Variants in TRABD2B observed in about 807,000 individuals in gnomAD.
The protein encoded by TRABD2B is metalloprotease TIKI2.
TRABD2B carries 14 observed loss-of-function variants against 40.1 expected under a neutral mutation model. That is an observed-to-expected ratio of 0.35 (90% CI 0.23 to 0.55). The LOEUF (loss-of-function observed/expected upper bound fraction) is 0.55, where lower values mean the gene tolerates loss of function less well. TRABD2B is among the 20% of genes least tolerant of loss of function. TRABD2B has a pLI of 0.90. For missense variants in TRABD2B, 541 were observed against 648.6 expected (o/e 0.83, Z 1.80); for synonymous variants, 263 against 277.0 (o/e 0.95, Z 0.50).
Position 47,877,305 on chromosome 1 carries a change from C to T in TRABD2B, c.667-75686G>A, listed in dbSNP as rs567113165. 9.2e-5 allele frequency among the ~76,000 whole-genome samples: 14 copies of T among 152,144 alleles called. 1 individual carries two copies. The South Asian group carries it at 2.9e-3, about 32-fold the overall frequency. ...GTTAAAGGAGCTCACAGGAGGCCAGCTCCAGGGCAGCTGGAACAGAGGGAA... is the reference window on the plus strand; with the variant it reads ...GTTAAAGGAGCTCACAGGAGGCCAGTTCCAGGGCAGCTGGAACAGAGGGAA... On this transcript the variant is annotated intron_variant, in intron 2 of 6. Coordinates refer to ENST00000606738, the MANE Select transcript of TRABD2B (RefSeq NM_001194986.2).
In TRABD2B at chr1:47,815,856, TAG is replaced by T. The variant is rs113867808; in HGVS notation, c.667-14239_667-14238del. On this transcript the variant is annotated intron_variant, in intron 2 of 6. Coordinates refer to ENST00000606738, the MANE Select transcript of TRABD2B (RefSeq NM_001194986.2). ...AGATAGATAGATAGATAGATAGAAATAGAGTCAGGAGTGTGGACTGTGCTTTG... is the reference window on the plus strand; with the variant it reads ...AGATAGATAGATAGATAGATAGAAATAGTCAGGAGTGTGGACTGTGCTTTG... 4.8e-4 allele frequency among the ~76,000 whole-genome samples: 71 copies of T among 149,452 alleles called. 4 individuals carry two copies. The highest frequency in any genetic ancestry group is 1.7e-3 in the African/African-American group (71 of 40,778).
intron 2 of TRABD2B, among the ~76,000 whole-genome samples, chr1:47,802,126 A>C (rs866561165): frequency 6.6e-6 from 1 of 152,122 alleles, no homozygotes; most frequent in South Asian, 2.1e-4. Context: ...CTCGGTCCTG[A>C]ACATCTGCTC....
At position 47,864,960 on chromosome 1, in the gene TRABD2B, G is replaced by A. The variant is rs532224716; in HGVS notation, c.667-63341C>T. Among the ~76,000 whole-genome samples the A allele has an allele frequency of 1.8e-4, 27 of 146,164 alleles. No homozygotes were observed. The East Asian group carries it at 3.8e-3, about 21-fold the overall frequency. On this transcript the variant is annotated intron_variant, in intron 2 of 6. Coordinates refer to ENST00000606738, the MANE Select transcript of TRABD2B (RefSeq NM_001194986.2). ...GAGCCCCTGACTGCCCTCTGCCCTA[G>A]GCACACCACCACTGGCTGGACACCT...
chr1:47,802,091 C>T (rs1408939597), intron 2 of TRABD2B, among the ~76,000 whole-genome samples: 1 of 152,228 alleles, frequency 6.6e-6, no homozygotes, highest in African/African-American at 2.4e-5. Context: ...GGAAGCCTTC[C>T]TCACCCAGGG....
intron 2 of TRABD2B, among the ~76,000 whole-genome samples, chr1:47,854,934 G>A (rs754751019): frequency 3.3e-5 from 5 of 152,188 alleles, no homozygotes; most frequent in Non-Finnish European, 7.3e-5. Flanking sequence ...GCTGTGTGAT[G>A]TAGGGCAAGC....
At chr1:47,883,460 G>A (rs1470179245) in intron 2 of TRABD2B, among the ~76,000 whole-genome samples, 1 of 152,184 alleles carries the variant, frequency 6.6e-6, no homozygotes, top group African/African-American at 2.4e-5. Context: ...CTAGGGGGTA[G>A]GGAGTAGAAA....
chr1:47,904,201 C>A (rs897713321), intron 2 of TRABD2B, among the ~76,000 whole-genome samples: 1 of 152,112 alleles, frequency 6.6e-6, no homozygotes. Context: ...GTGATCTGAA[C>A]CTAACCTTGA....
chr1:47,859,226 T>C (rs2124548894), intron 2 of TRABD2B, among the ~76,000 whole-genome samples: 1 of 152,298 alleles, frequency 6.6e-6, no homozygotes, highest in South Asian at 2.1e-4. Flanking sequence ...TCCTTTCTTT[T>C]TCCTGCCCTC....
At position 47,764,897 on chromosome 1, in the gene TRABD2B, C is replaced by G. The variant is rs983300821; in HGVS notation, c.*1005G>C. The G allele has an allele frequency of 6.6e-6, 1 of 152,194 alleles. No homozygotes were observed. Among genetic ancestry groups the G allele is most frequent in the African/African-American group, 2.4e-5 (1 of 41,440 alleles). 9.4% of individuals were successfully genotyped at this position (152,194 alleles called of 1,614,324 possible). A position where few individuals can be genotyped will look rare whatever the true frequency, so the allele number is the denominator to read the frequency against. ...GGATAGTCACATCTCACAGAACTAGCGCAAGAATCAGTGAAGCAAGTGTGC... is the reference window on the plus strand; with the variant it reads ...GGATAGTCACATCTCACAGAACTAGGGCAAGAATCAGTGAAGCAAGTGTGC... On this transcript the variant is annotated 3_prime_UTR_variant, in exon 7 of 7. Transcript: ENST00000606738.
At chr1:47,884,526 T>C (rs1470222738) in intron 2 of TRABD2B, among the ~76,000 whole-genome samples, 1 of 152,210 alleles carries the variant, frequency 6.6e-6, no homozygotes, top group African/African-American at 2.4e-5. Context: ...AGAGCATGTG[T>C]TTCATCCTAA....
intron 6 of TRABD2B, among the ~76,000 whole-genome samples, chr1:47,772,520 G>A (rs1352656257): frequency 6.6e-6 from 1 of 152,084 alleles, no homozygotes; most frequent in Non-Finnish European, 1.5e-5. Context: ...CGGCCATATG[G>A]GAGGGCACTC....
intron 2 of TRABD2B, among the ~76,000 whole-genome samples, chr1:47,993,184 G>C (rs1646037712): frequency 6.6e-6 from 1 of 152,150 alleles, no homozygotes; most frequent in African/African-American, 2.4e-5. Flanking sequence ...TCCCCATCCT[G>C]GGATTGACAG....
At chr1:47,978,038 A>G (rs865954293) in intron 2 of TRABD2B, among the ~76,000 whole-genome samples, 3 of 151,844 alleles carry the variant, frequency 2.0e-5, no homozygotes, top group South Asian at 2.1e-4. Context: ...TTCTCCCCCA[A>G]ATTTGTGTCC....
intron 2 of TRABD2B, among the ~76,000 whole-genome samples, chr1:47,988,125 G>A (rs1217008213): frequency 6.6e-6 from 1 of 152,170 alleles, no homozygotes; most frequent in Non-Finnish European, 1.5e-5. Flanking sequence ...CAGAGGCCCA[G>A]AGAGGGCTGG....
In TRABD2B at chr1:47,795,739, C is replaced by T. The variant is rs13313008; in HGVS notation, c.814-979G>A. 1.9e-3 allele frequency: 1,872 copies of T among 982,286 alleles called. 27 individuals carry two copies. The African/African-American group carries it at 0.03, about 16-fold the overall frequency. 60.8% of individuals were successfully genotyped at this position (982,286 alleles called of 1,614,324 possible). Reference sequence around the variant, plus strand: ...ATTTTCCCAATGCCTGAGCCACCATCTGCTGCCACCACCAACTCCCCATCC... The same window carrying T: ...ATTTTCCCAATGCCTGAGCCACCATTTGCTGCCACCACCAACTCCCCATCC... On this transcript the variant is annotated intron_variant, in intron 3 of 6. Coordinates refer to ENST00000606738, the MANE Select transcript of TRABD2B (RefSeq NM_001194986.2).
At position 47,994,970 on chromosome 1, in the gene TRABD2B, G is replaced by C. The variant is rs751525484; in HGVS notation, c.103-373C>G. 1.3e-5 allele frequency among the ~76,000 whole-genome samples: 2 copies of C among 152,164 alleles called. No individual in the cohort carries two copies. The highest frequency in any genetic ancestry group is 2.9e-5 in the Non-Finnish European group (2 of 68,040). ...ATGAAGGGAAACTCTCATGATTAGC[G>C]TTCCCTGTGAGTGCCAAGGACTGCC... On this transcript the variant is annotated intron_variant, in intron 1 of 6. Transcript: ENST00000606738. The surrounding 1 kb of genome is among the most constrained non-coding windows in gnomAD (Gnocchi z 6.7).
At chr1:47,859,893 G>C (rs1207317530) in intron 2 of TRABD2B, among the ~76,000 whole-genome samples, 1 of 152,194 alleles carries the variant, frequency 6.6e-6, no homozygotes, top group African/African-American at 2.4e-5. Context: ...AGATTCATGA[G>C]CTCACTTAGC....
At chr1:47,831,198 T>C (rs1645243679) in intron 2 of TRABD2B, among the ~76,000 whole-genome samples, 1 of 152,036 alleles carries the variant, frequency 6.6e-6, no homozygotes, top group South Asian at 2.1e-4. Flanking sequence ...TCACCAACAG[T>C]TGGGAGGACT....
chr1:47,909,565 G>A (rs1017010830), intron 2 of TRABD2B, among the ~76,000 whole-genome samples: 2 of 21,222 alleles, frequency 9.4e-5, no homozygotes, highest in Non-Finnish European at 1.6e-4. Flanking sequence ...GAAGAAGGAG[G>A]AGGAGGAGGA....
Sources: allele counts gnomAD v4.1 joint callset (sites outside exome capture counted in the v4.1 genomes callset), GRCh38; gene constraint gnomAD v4.1.1; non-coding constraint Gnocchi (gnomAD v3.1); transcripts MANE v1.5; gene names NCBI Gene and HGNC (gene_info 2026-07-23, HGNC 2026-07-21).